The following PLCG2 variants were observed in gnomAD, a reference collection of about 807,000 sequenced individuals.
PLCG2 encodes 1-phosphatidylinositol 4,5-bisphosphate phosphodiesterase gamma-2.
A neutral mutation model predicts 175.6 loss-of-function variants in PLCG2; 69 were observed. The observed-to-expected ratio is 0.39, with a 90% confidence interval of 0.32 to 0.48. The LOEUF (loss-of-function observed/expected upper bound fraction) is 0.48. Among genes scored for constraint, PLCG2 ranks in the 20% least tolerant of loss-of-function variants. The probability of loss-of-function intolerance (pLI) is 0.91; values close to 1 mark genes in which losing one functional copy is unlikely to be tolerated. For synonymous variants in PLCG2, 827 were observed against 624.0 expected (o/e 1.33, Z -4.85); for missense variants, 1,798 against 1,650.9 (o/e 1.09, Z -1.54).
chr16:81,873,986 G>C (rs1907645476), intron 7 of PLCG2, among the ~76,000 whole-genome samples: 2 of 152,120 alleles, frequency 1.3e-5, no homozygotes, highest in South Asian at 4.1e-4. Flanking sequence ...CAAAATGTCA[G>C]AACCCTCTGG....
upstream of PLCG2, among the ~76,000 whole-genome samples, chr16:81,776,083 C>CGTTCTTTCTT (rs1413572575): frequency 2.0e-4 from 16 of 81,844 alleles, 3 homozygotes; most frequent in South Asian, 4.7e-4. Context: ...TTCTCTCTCT[C>CGTTCTTTCTT]TCTCTCTTTC....
At position 81,957,906 on chromosome 16, in the gene PLCG2, A is replaced by C. The variant is rs200096737; in HGVS notation, c.3756-50A>C. The C allele has an allele frequency of 1.1e-3, 1,598 of 1,514,342 alleles. 3 individuals carry two copies. The highest frequency in any genetic ancestry group is 1.3e-3 in the Non-Finnish European group (1,436 of 1,088,910). 93.8% of individuals were successfully genotyped at this position (1,514,342 alleles called of 1,614,324 possible). The stretch of plus-strand genomic sequence containing the variant: ...AGAAATGTTACAGAGTTCAGCACGC[A>C]GCCCATTTCTCATGGCCCACTGCTG... On this transcript the variant is annotated intron_variant, in intron 32 of 32. Transcript: ENST00000564138.
chr16:81,843,263 T>C (rs1341025241), intron 2 of PLCG2, among the ~76,000 whole-genome samples: 1 of 152,134 alleles, frequency 6.6e-6, no homozygotes, highest in East Asian at 1.9e-4. Context: ...CATTTGCCCA[T>C]CTCCTTCTCA....
chr16:81,785,486 C>T (rs920616391), intron 1 of PLCG2, among the ~76,000 whole-genome samples: 1 of 114,790 alleles, frequency 8.7e-6, no homozygotes, highest in Non-Finnish European at 1.7e-5. Flanking sequence ...GTTTGTTTTT[C>T]GTTTATTTCA....
chr16:81,752,035 A>T (rs1430395746), intron 1 of PLCG2, among the ~76,000 whole-genome samples: 3 of 145,960 alleles, frequency 2.1e-5, no homozygotes, highest in South Asian at 2.1e-4. Flanking sequence ...AAATAAATAT[A>T]AAAAAAATAT....
intron 13 of PLCG2, among the ~76,000 whole-genome samples, chr16:81,899,205 A>C (rs1429297699): frequency 2.6e-5 from 4 of 151,688 alleles, no homozygotes; most frequent in Non-Finnish European, 5.9e-5. Flanking sequence ...AAAATAAATA[A>C]ATAAAATAAA....
Position 81,931,626 on chromosome 16 carries a change from G to A in PLCG2, c.2711G>A (p.Arg904Gln). 1.2e-6 allele frequency: 2 copies of A among 1,613,972 alleles called. No homozygotes were observed. Among genetic ancestry groups the A allele is most frequent in the East Asian group, 2.2e-5 (1 of 44,872 alleles). ...CTCTTTGAGTGGTTTCAGAGCATCCGAGAGATCACCTGGAAGATTGACACC... is the reference window on the plus strand; with the variant it reads ...CTCTTTGAGTGGTTTCAGAGCATCCAAGAGATCACCTGGAAGATTGACACC... ...EELFEWFQSI[R>Q]EITWKIDTKE... The change falls in exon 25 of 33, where the codon CGA becomes CAA. Residue 904 changes from arginine (R) to glutamine (Q), a missense_variant. Transcript: ENST00000564138.
intron 2 of PLCG2, among the ~76,000 whole-genome samples, chr16:81,836,027 A>G (rs1367729002): frequency 6.6e-6 from 1 of 152,144 alleles, no homozygotes; most frequent in Non-Finnish European, 1.5e-5. Flanking sequence ...ATTCACACAT[A>G]CCAGGGACTG....
At chr16:81,753,935 T>C (rs12920131) in intron 1 of PLCG2, among the ~76,000 whole-genome samples, 79,662 of 151,982 alleles carry the variant, frequency 0.52, 21,369 homozygotes, top group Middle Eastern at 0.6. Context: ...GCTCCATGGT[T>C]GGGCTAGATG....
intron 2 of PLCG2, among the ~76,000 whole-genome samples, chr16:81,854,096 G>GC (rs1906559138): frequency 6.6e-6 from 1 of 150,710 alleles, no homozygotes; most frequent in South Asian, 2.1e-4. Context: ...TTGGTCTCTT[G>GC]TTTTTTTTTG....
At chr16:81,830,386 A>G (rs571594573) in intron 2 of PLCG2, among the ~76,000 whole-genome samples, 1 of 152,208 alleles carries the variant, frequency 6.6e-6, no homozygotes, top group Non-Finnish European at 1.5e-5. Context: ...GGCTCACTGC[A>G]ACCTCCACTT....
chr16:81,824,887 C>T (rs1904977149), intron 2 of PLCG2, among the ~76,000 whole-genome samples: 1 of 152,182 alleles, frequency 6.6e-6, no homozygotes, highest in African/African-American at 2.4e-5. Flanking sequence ...GGAGATTCTC[C>T]TGCATGACCC....
At chr16:81,815,527 C>T (rs1597334252) in intron 2 of PLCG2, among the ~76,000 whole-genome samples, 2 of 152,332 alleles carry the variant, frequency 1.3e-5, no homozygotes, top group East Asian at 3.9e-4. Context: ...TCTTCTTCAG[C>T]CTGCCCTGCC....
intron 2 of PLCG2, among the ~76,000 whole-genome samples, chr16:81,836,550 G>C (rs1442564079): frequency 6.6e-6 from 1 of 152,170 alleles, no homozygotes; most frequent in African/African-American, 2.4e-5. Context: ...AGACCAGCCT[G>C]GTTAACATGG....
chr16:81,789,519 C>T (rs952982860), intron 2 of PLCG2, among the ~76,000 whole-genome samples: 2 of 152,144 alleles, frequency 1.3e-5, no homozygotes, highest in Non-Finnish European at 2.9e-5. Context: ...CAACTCCTGG[C>T]CTCAAGTGAT....
rs181346398 is a variant in PLCG2, at chr16:81,927,048, T to G, written c.2418-34T>G. The G allele has an allele frequency of 5.2e-5, 74 of 1,422,672 alleles. No individual in the cohort carries two copies. The East Asian group carries it at 1.6e-3, about 30-fold the overall frequency. The allele number at this position is 1,422,672 out of a possible 1,614,324, so 88.1% of individuals were successfully genotyped here. On this transcript the variant is annotated intron_variant, in intron 22 of 32. Coordinates refer to ENST00000564138, the MANE Select transcript of PLCG2 (RefSeq NM_002661.5). ...GTAGTGGGTAATTCATGCCACCTGG[T>G]GACAGCGCCCCCATGTCCTCTCTTC... is the stretch of plus-strand genomic sequence containing the variant.
At chr16:81,926,190 G>A (rs927766761) in intron 22 of PLCG2, among the ~76,000 whole-genome samples, 3 of 152,234 alleles carry the variant, frequency 2.0e-5, no homozygotes, top group African/African-American at 7.2e-5. Flanking sequence ...TCAACATCAT[G>A]GAGAGTTAGG....
At chr16:81,811,478 T>C (rs761534650) in intron 2 of PLCG2, among the ~76,000 whole-genome samples, 9 of 152,094 alleles carry the variant, frequency 5.9e-5, no homozygotes, top group Non-Finnish European at 8.8e-5. Context: ...CGTTTTCTTT[T>C]TTCTTTTTTT....
chr16:81,929,043 T>C (rs1156325818), intron 24 of PLCG2, among the ~76,000 whole-genome samples: 1 of 152,208 alleles, frequency 6.6e-6, no homozygotes, highest in East Asian at 1.9e-4. Context: ...GGCCTGTCAC[T>C]TCTCCTCTTT....
Sources: gnomAD v4.1 joint callset for allele counts (sites outside exome capture counted in the v4.1 genomes callset) on GRCh38, gnomAD v4.1.1 for gene constraint, MANE v1.5 for transcripts, NCBI Gene and HGNC (gene_info 2026-07-23, HGNC 2026-07-21) for gene names.